The following PCCA variants were observed in gnomAD, a reference collection of about 807,000 sequenced individuals.
PCCA encodes the protein propionyl-CoA carboxylase alpha chain, mitochondrial.
PCCA carries 74 observed loss-of-function variants against 101.3 expected under a neutral mutation model. The ratio of observed to expected loss-of-function variants is 0.73; its 90% CI spans 0.61 to 0.89. The LOEUF is 0.89. PCCA is among the 40% of genes least tolerant of loss of function. The probability of loss-of-function intolerance (pLI) is 0.00; values close to 1 mark genes in which losing one functional copy is unlikely to be tolerated. For missense variants in PCCA, 891 were observed against 907.0 expected (o/e 0.98, Z 0.23); for synonymous variants, 294 against 313.6 (o/e 0.94, Z 0.66).
intron 11 of PCCA, among the ~76,000 whole-genome samples, chr13:100,270,067 C>T (rs557917309): frequency 3.4e-4 from 52 of 152,330 alleles, no homozygotes; most frequent in Non-Finnish European, 6.0e-4. Context: ...TACACACCAG[C>T]CAGTATGCTG....
chr13:100,099,847 A>G (rs567417520), intron 1 of PCCA, among the ~76,000 whole-genome samples: 8 of 152,284 alleles, frequency 5.3e-5, no homozygotes, highest in African/African-American at 1.9e-4. Context: ...GATAAGTACT[A>G]TTATTATCCC....
intron 6 of PCCA, among the ~76,000 whole-genome samples, chr13:100,167,618 C>T (rs2055181455): frequency 6.6e-6 from 1 of 152,000 alleles, no homozygotes; most frequent in Non-Finnish European, 1.5e-5. Context: ...CTGAGACTTT[C>T]TTGTTTTTTG....
chr13:100,344,980 G>C (rs554800473), intron 18 of PCCA, among the ~76,000 whole-genome samples: 8 of 152,260 alleles, frequency 5.3e-5, no homozygotes, highest in African/African-American at 1.7e-4. Flanking sequence ...CCATGCACGT[G>C]TAAGGTGGTG....
rs535862319 is a variant in PCCA at position 100,127,483 on chromosome 13, A to G, written c.300+15422A>G. ...GTTTTAAAGGGAATTTATGTATTTC[A>G]GTGTAATTAGTACCTGCTGTTATGA... On this transcript the variant is annotated intron_variant, in intron 4 of 23. Transcript: ENST00000376285. 3.3e-5 allele frequency among the ~76,000 whole-genome samples: 5 copies of G among 152,280 alleles called. No homozygotes were observed. The South Asian group carries it at 8.3e-4, about 25-fold the overall frequency.
chr13:100,398,158 A>C (rs556119272), intron 19 of PCCA, among the ~76,000 whole-genome samples: 1 of 152,204 alleles, frequency 6.6e-6, no homozygotes, highest in Non-Finnish European at 1.5e-5. Flanking sequence ...TGTTGTTTCC[A>C]GTAGTGTAAC....
chr13:100,131,056 T>G (rs1289414811), intron 4 of PCCA, among the ~76,000 whole-genome samples: 1 of 152,156 alleles, frequency 6.6e-6, no homozygotes, highest in Admixed American at 6.5e-5. Context: ...AATGGAGAGC[T>G]TTATTTTCTA....
intron 7 of PCCA, among the ~76,000 whole-genome samples, chr13:100,234,117 C>T (rs890444297): frequency 6.6e-6 from 1 of 152,124 alleles, no homozygotes; most frequent in African/African-American, 2.4e-5. Flanking sequence ...CTTCATCAGC[C>T]ATCACTCTTC....
At chr13:100,397,754 T>G (rs1476648812) in intron 19 of PCCA, among the ~76,000 whole-genome samples, 1 of 152,214 alleles carries the variant, frequency 6.6e-6, no homozygotes, top group African/African-American at 2.4e-5. Flanking sequence ...ATGCTTGTTT[T>G]ATCGCTTGTG....
intron 1 of PCCA, among the ~76,000 whole-genome samples, chr13:100,099,195 A>T (rs1313363503): frequency 6.6e-6 from 1 of 152,022 alleles, no homozygotes; most frequent in Non-Finnish European, 1.5e-5. Flanking sequence ...TAACAACAGT[A>T]GTTTTGGTTT....
chr13:100,249,459 A>G (rs994417388), intron 8 of PCCA, among the ~76,000 whole-genome samples: 1 of 152,198 alleles, frequency 6.6e-6, no homozygotes, highest in Non-Finnish European at 1.5e-5. Context: ...AGACAATACC[A>G]TACTGTCTTG....
intron 18 of PCCA, among the ~76,000 whole-genome samples, chr13:100,367,918 A>G (rs1347600863): frequency 6.6e-6 from 1 of 151,962 alleles, no homozygotes; most frequent in Non-Finnish European, 1.5e-5. Flanking sequence ...AAATCGCACC[A>G]TTGCACTCCA....
At position 100,487,678 on chromosome 13, in the gene PCCA, A is replaced by G. The variant is rs79963609; in HGVS notation, c.1900-27749A>G. ...GGGCATGTACTAAGTAGCCTTTCCC[A>G]GAGCTCATTTTGTGGGATACCATAG... On this transcript the variant is annotated intron_variant, in intron 21 of 23. Coordinates refer to ENST00000376285, the MANE Select transcript of PCCA (RefSeq NM_000282.4). Among the ~76,000 whole-genome samples, 664 of 152,274 alleles carry G rather than the reference A, an allele frequency of 4.4e-3. 34 individuals are homozygous for G. The East Asian group carries it at 0.098, about 23-fold the overall frequency.
chr13:100,230,319 G>A (rs2029923839), intron 7 of PCCA, among the ~76,000 whole-genome samples: 1 of 152,152 alleles, frequency 6.6e-6, no homozygotes, highest in South Asian at 2.1e-4. Context: ...CGAGGTGGGC[G>A]GATCACCTGA....
At chr13:100,221,424 T>C (rs1428045224) in intron 7 of PCCA, among the ~76,000 whole-genome samples, 1 of 152,196 alleles carries the variant, frequency 6.6e-6, no homozygotes, top group Admixed American at 6.5e-5. Context: ...CTGTGGGTAA[T>C]ACACTTGGTT....
At chr13:100,307,720 A>G (rs114885359) in intron 15 of PCCA, among the ~76,000 whole-genome samples, 2,607 of 152,338 alleles carry the variant, frequency 0.017, 93 homozygotes, top group African/African-American at 0.059. Context: ...ATGTAAGAGT[A>G]TAAGATTTGT....
chr13:100,390,901 G>A (rs1420988320), intron 19 of PCCA, among the ~76,000 whole-genome samples: 1 of 152,196 alleles, frequency 6.6e-6, no homozygotes, highest in African/African-American at 2.4e-5. Flanking sequence ...ATGGTGTTGA[G>A]GGGATTGACT....
chr13:100,382,018 C>T lies in PCCA; in HGVS notation c.1746+13444C>T, dbSNP rs937956043. ...CTCTTTTAGCTCTGCTCTCCACAGGCGGCTTAAGTGTTAACAGCTCAGTTG... is the reference window on the plus strand; with the variant it reads ...CTCTTTTAGCTCTGCTCTCCACAGGTGGCTTAAGTGTTAACAGCTCAGTTG... On this transcript the variant is annotated intron_variant, in intron 19 of 23. Coordinates refer to ENST00000376285, the MANE Select transcript of PCCA (RefSeq NM_000282.4). Among the ~76,000 whole-genome samples, 6 of 152,222 alleles carry T rather than the reference C, an allele frequency of 3.9e-5. No individual in the cohort carries two copies. The South Asian group carries it at 8.3e-4, about 21-fold the overall frequency.
At chr13:100,519,227 T>C (rs2087051785) in intron 22 of PCCA, among the ~76,000 whole-genome samples, 2 of 152,256 alleles carry the variant, frequency 1.3e-5, no homozygotes, top group Admixed American at 1.3e-4. Flanking sequence ...TAAGCTGCTA[T>C]ATACTCATCT....
At chr13:100,184,902 C>G (rs376568205) in intron 6 of PCCA, among the ~76,000 whole-genome samples, 59 of 152,194 alleles carry the variant, frequency 3.9e-4, no homozygotes, top group African/African-American at 1.4e-3. Flanking sequence ...TTTCTGTCTT[C>G]CTCATCTTTA....
Sources: gnomAD v4.1 joint callset for allele counts (sites outside exome capture counted in the v4.1 genomes callset) on GRCh38, gnomAD v4.1.1 for gene constraint, MANE v1.5 for transcripts, NCBI Gene and HGNC (gene_info 2026-07-23, HGNC 2026-07-21) for gene names.